KANK3: variants seen among roughly 807,000 people sequenced by gnomAD.
KANK3 encodes KN motif and ankyrin repeat domains 3, also known as KN motif and ankyrin repeat domain-containing protein 3.
In KANK3, 61 loss-of-function variants were observed where a neutral mutation model predicts 65.4. The ratio of observed to expected loss-of-function variants is 0.93; its 90% CI spans 0.76 to 1.15. The LOEUF is 1.15. KANK3 is among the 50% of genes most tolerant of loss of function. KANK3 has a pLI of 0.00. For synonymous variants in KANK3, 586 were observed against 543.3 expected (o/e 1.08, Z -1.09); for missense variants, 1,187 against 1,178.8 (o/e 1.01, Z -0.10).
At chr19:8,325,296 CTTTTTTTTTT>C (rs573315741) in intron 7 of KANK3, among the ~76,000 whole-genome samples, 200 bp from the exon 8 acceptor site, 11 of 78,636 alleles carry the variant, frequency 1.4e-4, no homozygotes, top group Admixed American at 4.6e-4. Flanking sequence ...CCTGTTTCAT[CTTTTTTTTTT>C]TTTTTTTTTT....
At chr19:8,329,227 C>G (rs1970482578) in intron 7 of KANK3, among the ~76,000 whole-genome samples, 2 of 150,336 alleles carry the variant, frequency 1.3e-5, no homozygotes, top group Non-Finnish European at 3.0e-5. Flanking sequence ...TTGCTCACTC[C>G]TATAATCCCA....
chr19:8,334,387 C>T lies in KANK3; in HGVS notation c.1360G>A (p.Gly454Ser). ...ILKSIMKKRD[G>S]TPGAQPSSGP... The stretch of plus-strand genomic sequence containing the variant: ...GAGCTGGGTTGGGCACCAGGTGTGC[C>T]GTCTCTCTTCTTCATGATGGATTTG... The change falls in exon 4 of 11, where the codon GGC becomes AGC. Residue 454 changes from glycine to serine, a missense_variant. Physicochemically the swap from Gly to Ser is moderately conservative, Grantham distance 56 (BLOSUM62 0). This residue lies in a region of KANK3 where 1,078 missense variants were observed against 1,038.2 expected (regional missense o/e 1.04). Transcript: ENST00000330915. 1.2e-6 allele frequency: 2 copies of T among 1,614,084 alleles called. No individual in the cohort carries two copies. Among genetic ancestry groups the T allele is most frequent in the East Asian group, 4.5e-5 (2 of 44,872 alleles).
At chr19:8,339,784 C>A (rs112611673) in intron 1 of KANK3, among the ~76,000 whole-genome samples, 1 of 151,636 alleles carries the variant, frequency 6.6e-6, no homozygotes, top group Non-Finnish European at 1.5e-5. Flanking sequence ...AATAAAATAG[C>A]GAAACCCCAT....
chr19:8,339,979 A>AG (rs1568205441), intron 1 of KANK3, among the ~76,000 whole-genome samples: 13 of 111,430 alleles, frequency 1.2e-4, no homozygotes, highest in Admixed American at 7.4e-4. Context: ...AAAAAAAAAA[A>AG]AAAAAGAAAA....
At chr19:8,327,606 G>C (rs983837269) in intron 7 of KANK3, among the ~76,000 whole-genome samples, 5 of 152,150 alleles carry the variant, frequency 3.3e-5, no homozygotes, top group African/African-American at 1.2e-4. Context: ...ACTCCAGCCT[G>C]GTGACAGAGC....
At position 8,335,473 on chromosome 19, in the gene KANK3, C is replaced by G. The variant is rs767091147; in HGVS notation, c.354G>C (p.Pro118=). Residue 118 remains proline (P), a synonymous_variant, in exon 3 of 11, where the codon CCG becomes CCC. Coordinates refer to ENST00000330915, the MANE Select transcript of KANK3 (RefSeq NM_198471.3). ...TGCGCACGGGCGCGCGCGGCGACAG[C>G]GGCTGCATCAGGAGCCCCGAGGGCG... ...QGAPSGLLMQ[P]LSPRAPVRNP... is the part of the protein sequence containing the mutation. The G allele has an allele frequency of 8.1e-7, 1 of 1,236,548 alleles. No individual in the cohort carries two copies. Among genetic ancestry groups the G allele is most frequent in the East Asian group, 3.3e-5 (1 of 30,548 alleles). 76.6% of individuals were successfully genotyped at this position (1,236,548 alleles called of 1,614,324 possible). A position where few individuals can be genotyped will look rare whatever the true frequency, so the allele number is the denominator to read the frequency against.
chr19:8,325,962 G>A (rs1970420397), intron 7 of KANK3, among the ~76,000 whole-genome samples: 1 of 152,036 alleles, frequency 6.6e-6, no homozygotes, highest in Admixed American at 6.6e-5. Context: ...GAGTAGCTGG[G>A]ATTACAGGCA....
chr19:8,325,127 A>G (rs1409635267), intron 7 of KANK3, 31 bp from the exon 8 acceptor site: 1 of 1,592,144 alleles, frequency 6.3e-7, no homozygotes, highest in Admixed American at 1.7e-5. Context: ...GTCCACGGAG[A>G]TGCCAACACC....
At chr19:8,335,861 C>T (rs1305985351) in intron 2 of KANK3, 69 bp from the exon 3 acceptor site, 2 of 1,088,114 alleles carry the variant, frequency 1.8e-6, no homozygotes, top group Non-Finnish European at 2.3e-6. Context: ...CTAAACAAAC[C>T]GAGCGTGTCC....
intron 7 of KANK3, among the ~76,000 whole-genome samples, chr19:8,328,643 C>G (rs560647360): frequency 6.6e-6 from 1 of 151,960 alleles, no homozygotes; most frequent in South Asian, 2.1e-4. Flanking sequence ...TAATTGTCCC[C>G]GCAAGGTCCA....
chr19:8,324,987 G>C lies in KANK3; in HGVS notation c.2046C>G (p.Leu682=), dbSNP rs767299099. ...TGGCATTGACATCACCCATGCAGAA[G>C]AGTCTCTGGACCACAGCCATGTCCT... The part of the protein sequence containing the change: ...EEEDMAVVQR[L]FCMGDVNAKA... The change falls in exon 8 of 11, where the codon CTC becomes CTG. Residue 682 remains leucine (L), a synonymous_variant. Coordinates refer to ENST00000330915, the MANE Select transcript of KANK3 (RefSeq NM_198471.3). 6.2e-7 allele frequency: 1 copy of C among 1,613,122 alleles called. No individual in the cohort carries two copies. The highest frequency in any genetic ancestry group is 1.7e-5 in the Admixed American group (1 of 59,932).
chr19:8,324,778 AC>A lies in KANK3; in HGVS notation c.2134del (p.Val712TrpfsTer11). 1 of 1,613,944 alleles carries A rather than the reference AC, an allele frequency of 6.2e-7. No individual in the cohort carries two copies. The highest frequency in any genetic ancestry group is 8.5e-7 in the Non-Finnish European group (1 of 1,180,000). On this transcript the variant is annotated frameshift_variant, in exon 9 of 11. Transcript: ENST00000330915. LOFTEE classifies it high-confidence loss of function. ...AGCCCCACACGCCAGTAGGGTTGCC[AC>A]CATGTCCTGTCGGCCATGGCTGATG... Reference protein sequence around the residue: ...LAISHGRQDMVATLLACGADV... With the variant: ...LAISHGRQDMXATLLACGADV...
intron 1 of KANK3, among the ~76,000 whole-genome samples, chr19:8,339,355 C>CTT (rs1293954159): frequency 2.3e-4 from 24 of 104,658 alleles, no homozygotes; most frequent in Admixed American, 1.9e-3. Context: ...GACCCTATCT[C>CTT]TTTTTGTTTT....
Position 8,333,258 on chromosome 19 carries a change from T to TCGGCGATGGTC in KANK3, c.1720-39_1720-29dup. The TCGGCGATGGTC allele has an allele frequency of 6.4e-7, 1 of 1,562,468 alleles. No homozygotes were observed. The highest frequency in any genetic ancestry group is 2.0e-4 in the Middle Eastern group (1 of 4,912). ...GCAAGGGACAGGGGCCAAGATAACA[T>TCGGCGATGGTC]CGGCGATGGTCCACGGCGGCGCCGT... On this transcript the variant is annotated intron_variant, in intron 6 of 10. Transcript: ENST00000330915. The surrounding 1 kb of genome is among the most constrained non-coding windows in gnomAD (Gnocchi z 5.0).
rs1038640372 is a variant in KANK3, at chr19:8,327,616, C to T, written c.1937-2520G>A. On this transcript the variant is annotated intron_variant, in intron 7 of 10. Transcript: ENST00000330915. Reference sequence around the variant, plus strand: ...ACTGCACTCCAGCCTGGTGACAGAGCGACACTCTGCTCCCCGCCAAAAAAA... The same window carrying T: ...ACTGCACTCCAGCCTGGTGACAGAGTGACACTCTGCTCCCCGCCAAAAAAA... Among the ~76,000 whole-genome samples the T allele has an allele frequency of 1.1e-4, 17 of 152,024 alleles. 2 individuals carry two copies. Among genetic ancestry groups the T allele is most frequent in the South Asian group, 2.1e-4 (1 of 4,804 alleles).
chr19:8,330,761 T>A (rs576030314), intron 7 of KANK3, among the ~76,000 whole-genome samples: 11 of 149,034 alleles, frequency 7.4e-5, no homozygotes, highest in Admixed American at 7.4e-4. Context: ...AAAAATTAGC[T>A]GGGTGTGGTA....
At chr19:8,336,030 A>G (rs1327160203) in intron 2 of KANK3, among the ~76,000 whole-genome samples, 3 of 152,244 alleles carry the variant, frequency 2.0e-5, no homozygotes, top group African/African-American at 4.8e-5. Flanking sequence ...GCAGATAAGC[A>G]TCCTTCCAAA....
In KANK3 at chr19:8,335,531, TC is replaced by T; in HGVS notation, c.295del (p.Asp99ThrfsTer17). On this transcript the variant is annotated frameshift_variant, in exon 3 of 11. Coordinates refer to ENST00000330915, the MANE Select transcript of KANK3 (RefSeq NM_198471.3). LOFTEE classifies it high-confidence loss of function. The part of the protein sequence containing the change: ...WTSSESLASD[D>X]GGAPGILSQG... ...GGAGAGTATGCCCGGTGCTCCACCG[TC>T]GTCACTGGCCAGGGACTCGCTGGAT... 1 of 1,224,192 alleles carries T rather than the reference TC, an allele frequency of 8.2e-7. No individual in the cohort carries two copies. Among genetic ancestry groups the T allele is most frequent in the South Asian group, 4.0e-5 (1 of 25,194 alleles). 75.8% of individuals were successfully genotyped at this position (1,224,192 alleles called of 1,614,324 possible). A position where few individuals can be genotyped will look rare whatever the true frequency, so the allele number is the denominator to read the frequency against.
intron 7 of KANK3, among the ~76,000 whole-genome samples, chr19:8,330,729 A>G (rs1447729058): frequency 7.8e-5 from 2 of 25,522 alleles, no homozygotes; most frequent in African/African-American, 6.8e-4. Context: ...ACTCCATCTC[A>G]AAAAAAAAAA....
Sources: gnomAD v4.1 joint callset for allele counts (sites outside exome capture counted in the v4.1 genomes callset) on GRCh38, gnomAD v4.1.1 for gene constraint, gnomAD v4.1.1 regional missense constraint, Gnocchi (gnomAD v3.1) non-coding constraint, MANE v1.5 for transcripts, NCBI Gene and HGNC (gene_info 2026-07-23, HGNC 2026-07-21) for gene names.